The following NEK8 variants were observed in gnomAD, a reference collection of about 807,000 sequenced individuals.
NEK8 encodes the protein serine/threonine-protein kinase Nek8.
Under a neutral mutation model 77.2 loss-of-function variants are expected in NEK8, and 51 were observed. The observed-to-expected ratio is 0.66, with a 90% CI of 0.53 to 0.83. NEK8 has a LOEUF of 0.83. Among genes scored for constraint, NEK8 ranks in the 40% least tolerant of loss-of-function variants. NEK8 has a pLI of 0.00. For synonymous variants in NEK8, 365 were observed against 363.2 expected, an observed-to-expected ratio of 1.00 and a Z score of -0.06; for missense variants, 787 against 909.2, an observed-to-expected ratio of 0.87 and a Z score of 1.73.
intron 1 of NEK8, 79 bp downstream of exon 1, chr17:28,728,939 C>A: frequency 1.6e-6 from 2 of 1,270,760 alleles, no homozygotes; most frequent in Non-Finnish European, 2.2e-6. Flanking sequence ...AGTCGCCGCC[C>A]GCCTAATCCC....
Position 28,742,593 on chromosome 17 carries a change from G to T in NEK8, c.*606G>T. 1 of 169,464 alleles carries T rather than the reference G, an allele frequency of 5.9e-6. No homozygotes were observed. The highest frequency in any genetic ancestry group is 1.2e-4 in the South Asian group (1 of 8,234). The allele number at this position is 169,464 out of a possible 1,614,324, so 10.5% of individuals were successfully genotyped here. A position where few individuals can be genotyped will look rare whatever the true frequency, so the allele number is the denominator to read the frequency against. On this transcript the variant is annotated 3_prime_UTR_variant, in exon 15 of 15. Transcript: ENST00000268766. ...ACAAAAAAGGCTGAAGGCAGCTGTA[G>T]CTCCACACAGACCCTACCCTTTCCC...
Position 28,741,662 on chromosome 17 carries a change from A to G in NEK8, c.2050+91A>G, listed in dbSNP as rs1223227746. 7.8e-6 allele frequency: 11 copies of G among 1,402,730 alleles called. No individual in the cohort carries two copies. Among genetic ancestry groups the G allele is most frequent in the African/African-American group, 1.4e-5 (1 of 70,834 alleles). The allele number at this position is 1,402,730 out of a possible 1,614,324, so 86.9% of individuals were successfully genotyped here. On this transcript the variant is annotated intron_variant, in intron 14 of 14. Transcript: ENST00000268766. The surrounding 1 kb of genome is among the most constrained non-coding windows in gnomAD (Gnocchi z 4.5). The stretch of plus-strand genomic sequence containing the variant: ...AGTGTTCACAGATGGCCACATCACC[A>G]AAAGCATCTTTAGCCCCCAGATAAA...
intron 8 of NEK8, 96 bp from the exon 9 acceptor site, chr17:28,738,575 C>A (rs2034390160): frequency 9.1e-7 from 1 of 1,104,008 alleles, no homozygotes; most frequent in South Asian, 1.3e-5. Context: ...TGGTCCCCAA[C>A]TTTATTTTGC....
chr17:28,738,975 G>T, intron 9 of NEK8, 109 bp from the exon 10 acceptor site: 1 of 914,342 alleles, frequency 1.1e-6, no homozygotes. Context: ...TAAAGACACA[G>T]CCACCTCCTG....
Position 28,740,530 on chromosome 17 carries a change from G to C in NEK8, c.1485G>C (p.Gln495His). 3.7e-6 allele frequency: 6 copies of C among 1,614,172 alleles called. No homozygotes were observed. The highest frequency in any genetic ancestry group is 5.1e-6 in the Non-Finnish European group (6 of 1,180,014). ...CPQQVPMPPG[Q>H]EAQRVVCGID... is the part of the protein sequence containing the mutation. ...AGCAGGTGCCCATGCCCCCAGGACA[G>C]GAAGCTCAGCGAGTTGTATGTGGTA... is the stretch of plus-strand genomic sequence containing the variant. The change falls in exon 11 of 15, where the codon CAG (glutamine) becomes CAC (histidine). Residue 495 changes from glutamine to histidine, a missense_variant. This residue lies in a region of NEK8 where 516 missense variants were observed against 544.0 expected (regional missense o/e 0.95). Coordinates refer to ENST00000268766, the MANE Select transcript of NEK8 (RefSeq NM_178170.3). This position sits in a 1 kb window ranked among gnomAD's most constrained non-coding sequence, Gnocchi z 4.7.
In NEK8 at chr17:28,738,003, G is replaced by C. The variant is rs760874541; in HGVS notation, c.1071+3G>C. 6.2e-7 allele frequency: 1 copy of C among 1,612,220 alleles called. No individual in the cohort carries two copies. The highest frequency in any genetic ancestry group is 8.5e-7 in the Non-Finnish European group (1 of 1,179,164). On this transcript the variant is annotated splice_donor_region_variant and intron_variant, in intron 7 of 14. Coordinates refer to ENST00000268766, the MANE Select transcript of NEK8 (RefSeq NM_178170.3). Reference sequence around the variant, plus strand: ...CTGGGCGTCTCATCCTGTGGGAGGTGAGCAGGCCAGGGGGTGGCCTGGATG... The same window carrying C: ...CTGGGCGTCTCATCCTGTGGGAGGTCAGCAGGCCAGGGGGTGGCCTGGATG...
chr17:28,730,975 G>A (rs2034300813), intron 1 of NEK8, among the ~76,000 whole-genome samples: 1 of 151,794 alleles, frequency 6.6e-6, no homozygotes, highest in Admixed American at 6.6e-5. Context: ...AGAAGGGGCC[G>A]GGCACGGTGG....
chr17:28,734,151 A>G lies in NEK8; in HGVS notation c.216A>G (p.Glu72=). 1 of 1,614,222 alleles carries G rather than the reference A, an allele frequency of 6.2e-7. No individual in the cohort carries two copies. Among genetic ancestry groups the G allele is most frequent in the Non-Finnish European group, 8.5e-7 (1 of 1,180,030 alleles). ...TTGAGTACTACGAGAACTTCCTGGA[A>G]GACAAAGCCCTTATGATCGCCATGG... ...NVIEYYENFL[E]DKALMIAMEY... The change falls in exon 2 of 15, where the codon GAA becomes GAG. Residue 72 remains glutamate (E), a synonymous_variant. Transcript: ENST00000268766.
chr17:28,730,251 C>A (rs2034293878), intron 1 of NEK8, among the ~76,000 whole-genome samples: 1 of 147,210 alleles, frequency 6.8e-6, no homozygotes, highest in African/African-American at 2.5e-5. Flanking sequence ...GCTGGGACTA[C>A]AGGCACACGC....
rs569812171 is a variant in NEK8 at position 28,735,082 on chromosome 17, C to T, written c.486+78C>T. On this transcript the variant is annotated intron_variant, in intron 3 of 14. Coordinates refer to ENST00000268766, the MANE Select transcript of NEK8 (RefSeq NM_178170.3). ...ACCTAACCCTGCCTCCTCCCCTCCC[C>T]CTAAAAAACCCTTGGCCCTTTGGCC... The T allele has an allele frequency of 8.6e-6, 13 of 1,506,038 alleles. No homozygotes were observed. The East Asian group carries it at 2.7e-4, about 31-fold the overall frequency. The allele number at this position is 1,506,038 out of a possible 1,614,324, so 93.3% of individuals were successfully genotyped here. A position where few individuals can be genotyped will look rare whatever the true frequency, so the allele number is the denominator to read the frequency against.
intron 1 of NEK8, among the ~76,000 whole-genome samples, chr17:28,730,108 G>GTTTTGT (rs923559744): frequency 1.3e-5 from 2 of 152,016 alleles, no homozygotes; most frequent in Non-Finnish European, 2.9e-5. Context: ...AAACGGTTTT[G>GTTTTGT]TTTTGTTTTT....
intron 8 of NEK8, 85 bp downstream of exon 8, chr17:28,738,330 T>C (rs998191627): frequency 1.4e-5 from 21 of 1,461,650 alleles, no homozygotes; most frequent in Non-Finnish European, 2.0e-5. Flanking sequence ...ACGCACTTAA[T>C]GAATGCTTCT....
At chr17:28,729,456 A>T (rs1322212432) in intron 1 of NEK8, among the ~76,000 whole-genome samples, 2 of 152,072 alleles carry the variant, frequency 1.3e-5, no homozygotes, top group African/African-American at 4.8e-5. Flanking sequence ...CCTGGGTTCA[A>T]GCAATCGTTG....
Position 28,734,971 on chromosome 17 carries a change from C to T in NEK8, c.453C>T (p.Ser151=). 6.2e-7 allele frequency: 1 copy of T among 1,613,176 alleles called. No homozygotes were observed. The highest frequency in any genetic ancestry group is 8.5e-7 in the Non-Finnish European group (1 of 1,179,976). ...TCAAGATCGGTGATTTCGGCATCTCCAAGATCCTTAGCAGCAAGAGCAAGG... is the reference window on the plus strand; with the variant it reads ...TCAAGATCGGTGATTTCGGCATCTCTAAGATCCTTAGCAGCAAGAGCAAGG... ...MVVKIGDFGI[S]KILSSKSKAY... The change falls in exon 3 of 15, where the codon TCC becomes TCT. Residue 151 remains serine, a synonymous_variant. Transcript: ENST00000268766.
In NEK8 at chr17:28,738,710, G is replaced by A. The variant is rs1294164193; in HGVS notation, c.1262G>A (p.Gly421Glu). Residue 421 changes from glycine (G) to glutamate (E), a missense_variant, in exon 9 of 15, where the codon GGG becomes GAG. Gly to Glu is a moderately conservative substitution (Grantham distance 98). Coordinates refer to ENST00000268766, the MANE Select transcript of NEK8 (RefSeq NM_178170.3). ...ATGACATTCGGCAGCGGCAGCAATGGGTGCCTAGGCCATGGCAGCCTCACT... is the reference window on the plus strand; with the variant it reads ...ATGACATTCGGCAGCGGCAGCAATGAGTGCCTAGGCCATGGCAGCCTCACT... ...IIMTFGSGSN[G>E]CLGHGSLTDI... 12 of 1,614,172 alleles carry A rather than the reference G, an allele frequency of 7.4e-6. No homozygotes were observed. Among genetic ancestry groups the A allele is most frequent in the Non-Finnish European group, 1.0e-5 (12 of 1,180,004 alleles).
At chr17:28,734,352 G>A (rs2034340052) in intron 2 of NEK8, 164 bp downstream of exon 2, 2 of 685,336 alleles carry the variant, frequency 2.9e-6, no homozygotes, top group Non-Finnish European at 5.2e-6. Context: ...TCTGGTCCCA[G>A]TGCCCTGTTC....
intron 1 of NEK8, among the ~76,000 whole-genome samples, chr17:28,732,062 C>G (rs552859557): frequency 6.6e-6 from 1 of 151,144 alleles, no homozygotes; most frequent in South Asian, 2.1e-4. Context: ...TCCCGAGTAG[C>G]TGGGACTACA....
chr17:28,732,623 C>T (rs1353497293), intron 1 of NEK8, among the ~76,000 whole-genome samples: 1 of 141,194 alleles, frequency 7.1e-6, no homozygotes, highest in Non-Finnish European at 1.5e-5. Flanking sequence ...GCCATCTCGG[C>T]TCACAGCAAG....
In NEK8 at chr17:28,737,975, G is replaced by A. The variant is rs140363905; in HGVS notation, c.1046G>A (p.Arg349His). The A allele has an allele frequency of 3.7e-6, 6 of 1,611,910 alleles. No homozygotes were observed. The highest frequency in any genetic ancestry group is 4.5e-5 in the East Asian group (2 of 44,822). Residue 349 changes from arginine to histidine, a missense_variant, in exon 7 of 15, where the codon CGC becomes CAC. Coordinates refer to ENST00000268766, the MANE Select transcript of NEK8 (RefSeq NM_178170.3). The surrounding 1 kb of genome is among the most constrained non-coding windows in gnomAD (Gnocchi z 4.8). ...CGCACGCAGAAAGCCGGCGTCACGC[G>A]CTCTGGGCGTCTCATCCTGTGGGAG... is the stretch of plus-strand genomic sequence containing the variant. ...AGRTQKAGVT[R>H]SGRLILWEAP...
Sources: allele counts gnomAD v4.1 joint callset (sites outside exome capture counted in the v4.1 genomes callset), GRCh38; gene constraint gnomAD v4.1.1; regional missense constraint gnomAD v4.1.1; non-coding constraint Gnocchi (gnomAD v3.1); transcripts MANE v1.5; gene names NCBI Gene and HGNC (gene_info 2026-07-23, HGNC 2026-07-21).